Variants in DIS3L2 observed in about 807,000 individuals in gnomAD.
The protein encoded by DIS3L2 is DIS3-like exonuclease 2.
In DIS3L2, 34 loss-of-function variants were observed where a neutral mutation model predicts 97.5. The ratio of observed to expected loss-of-function variants is 0.35; its 90% CI spans 0.27 to 0.46. The LOEUF (loss-of-function observed/expected upper bound fraction) is 0.46. Ranked by LOEUF, DIS3L2 falls within the 20% of genes least tolerant of loss-of-function variation. DIS3L2 has a pLI of 1.00. For missense variants in DIS3L2, 1,038 were observed against 1,146.0 expected, an observed-to-expected ratio of 0.91 and a Z score of 1.36; for synonymous variants, 435 against 445.2, an observed-to-expected ratio of 0.98 and a Z score of 0.29.
chr2:231,975,995 T>C (rs933059348), intron 1 of DIS3L2, among the ~76,000 whole-genome samples: 13 of 151,162 alleles, frequency 8.6e-5, no homozygotes, highest in Non-Finnish European at 5.9e-5. Context: ...TACACACACA[T>C]ACACACACAC....
At chr2:232,242,316 G>A (rs1693121994) in intron 11 of DIS3L2, among the ~76,000 whole-genome samples, 1 of 152,218 alleles carries the variant, frequency 6.6e-6, no homozygotes, top group Admixed American at 6.5e-5. Context: ...CTGCAGATAT[G>A]GGCTGCGATG....
chr2:232,075,447 C>A (rs1284869893), intron 5 of DIS3L2, among the ~76,000 whole-genome samples: 1 of 152,180 alleles, frequency 6.6e-6, no homozygotes, highest in East Asian at 1.9e-4. Context: ...CTTGTTGAAA[C>A]CCCATTATTT....
intron 1 of DIS3L2, among the ~76,000 whole-genome samples, chr2:231,999,034 G>A (rs1693804125): frequency 1.3e-5 from 2 of 152,174 alleles, no homozygotes; most frequent in African/African-American, 4.8e-5. Flanking sequence ...AACCTTTTCT[G>A]TAAGTGGCCA....
At chr2:232,331,086 CAG>C (rs1368565639) in intron 16 of DIS3L2, among the ~76,000 whole-genome samples, 1 of 152,254 alleles carries the variant, frequency 6.6e-6, no homozygotes, top group African/African-American at 2.4e-5. Context: ...GGAGGAGAGA[CAG>C]GGTCCCATGT....
chr2:231,995,043 G>A (rs1693693602), intron 1 of DIS3L2, among the ~76,000 whole-genome samples: 1 of 151,850 alleles, frequency 6.6e-6, no homozygotes, highest in Non-Finnish European at 1.5e-5. Context: ...GAGCTCAAGT[G>A]TTTTGCCCTC....
intron 5 of DIS3L2, among the ~76,000 whole-genome samples, chr2:232,059,466 T>C (rs1188108204): frequency 6.6e-6 from 1 of 152,168 alleles, no homozygotes; most frequent in Non-Finnish European, 1.5e-5. Context: ...ACAACTCTTT[T>C]TACAAATTTT....
chr2:232,014,372 C>T lies in DIS3L2; in HGVS notation c.-93-463C>T, dbSNP rs376218274. ...ATGAATTAGGTTTTGTTGGTGGATT[C>T]TAAGGAATTGACTTACTTGGTTTCA... On this transcript the variant is annotated intron_variant, in intron 1 of 20. Transcript: ENST00000325385. Among the ~76,000 whole-genome samples, 7 of 152,170 alleles carry T rather than the reference C, an allele frequency of 4.6e-5. No homozygotes were observed. The East Asian group carries it at 9.6e-4, about 21-fold the overall frequency.
At position 232,249,865 on chromosome 2, in the gene DIS3L2, T is replaced by C. The variant is rs561516634; in HGVS notation, c.1425+519T>C. 1.3e-3 allele frequency among the ~76,000 whole-genome samples: 193 copies of C among 152,310 alleles called. 2 individuals carry two copies. The South Asian group carries it at 0.037, about 30-fold the overall frequency. ...GTCAGTGGTGCATCGTCATGCTGGA[T>C]GATTGGAGCGGTGAAGATGAATTAG... is the stretch of plus-strand genomic sequence containing the variant. On this transcript the variant is annotated intron_variant, in intron 12 of 20. Transcript: ENST00000325385.
At chr2:232,127,960 A>AT (rs1300190201) in intron 6 of DIS3L2, among the ~76,000 whole-genome samples, 2 of 151,020 alleles carry the variant, frequency 1.3e-5, no homozygotes, top group African/African-American at 2.4e-5. Flanking sequence ...TACAGTTTTT[A>AT]TTTTTTTTGA....
At chr2:232,060,765 T>G (rs562503764) in intron 5 of DIS3L2, among the ~76,000 whole-genome samples, 12 of 152,210 alleles carry the variant, frequency 7.9e-5, no homozygotes, top group African/African-American at 2.9e-4. Context: ...ATTTTAACAT[T>G]ATTAATTCTT....
At chr2:232,204,409 C>G (rs938503398) in intron 9 of DIS3L2, among the ~76,000 whole-genome samples, 6 of 152,188 alleles carry the variant, frequency 3.9e-5, no homozygotes, top group African/African-American at 1.4e-4. Context: ...AGACCAATGG[C>G]TTTGGGTAAA....
At chr2:232,274,814 A>G (rs1325402132) in intron 13 of DIS3L2, among the ~76,000 whole-genome samples, 3 of 152,276 alleles carry the variant, frequency 2.0e-5, no homozygotes, top group Non-Finnish European at 4.4e-5. Flanking sequence ...TATAAATGAA[A>G]ACATTTTAGC....
chr2:232,047,484 T>C (rs917540202), intron 5 of DIS3L2, among the ~76,000 whole-genome samples: 1 of 152,268 alleles, frequency 6.6e-6, no homozygotes, highest in Non-Finnish European at 1.5e-5. Context: ...ATTGGAATTG[T>C]CTTTTCATTC....
chr2:232,061,053 T>C (rs535401190), intron 5 of DIS3L2, among the ~76,000 whole-genome samples: 19 of 152,180 alleles, frequency 1.2e-4, no homozygotes, highest in Non-Finnish European at 2.4e-4. Flanking sequence ...TTTTTGGTGG[T>C]TTTTAGGTTT....
At chr2:232,324,617 C>G (rs557928174) in intron 14 of DIS3L2, among the ~76,000 whole-genome samples, 1 of 152,092 alleles carries the variant, frequency 6.6e-6, no homozygotes, top group Non-Finnish European at 1.5e-5. Context: ...AAATGGGACA[C>G]CTCTGGCCTC....
At chr2:232,273,393 A>G (rs1336125399) in intron 13 of DIS3L2, among the ~76,000 whole-genome samples, 3 of 152,198 alleles carry the variant, frequency 2.0e-5, no homozygotes, top group Non-Finnish European at 4.4e-5. Context: ...CACTATACAT[A>G]TTGATCTTTT....
chr2:232,257,316 C>T (rs796839714), intron 12 of DIS3L2, among the ~76,000 whole-genome samples: 5 of 152,258 alleles, frequency 3.3e-5, no homozygotes, highest in African/African-American at 9.6e-5. Context: ...AGCAAGTTTG[C>T]GTCCTTTCCA....
chr2:232,187,776 C>G (rs1691481446), intron 9 of DIS3L2, among the ~76,000 whole-genome samples: 2 of 152,114 alleles, frequency 1.3e-5, no homozygotes, highest in African/African-American at 4.8e-5. Context: ...TGGAAACAGG[C>G]CAGGCTTAGT....
chr2:232,057,698 C>G (rs1695586576), intron 5 of DIS3L2, among the ~76,000 whole-genome samples: 1 of 152,146 alleles, frequency 6.6e-6, no homozygotes, highest in Non-Finnish European at 1.5e-5. Context: ...GAGATCACCA[C>G]TAGAGAACCC....
Sources: gnomAD v4.1 joint callset for allele counts (sites outside exome capture counted in the v4.1 genomes callset) on GRCh38, gnomAD v4.1.1 for gene constraint, MANE v1.5 for transcripts, NCBI Gene and HGNC (gene_info 2026-07-23, HGNC 2026-07-21) for gene names.